The following PCDHA3 variants were observed in gnomAD, a reference collection of about 807,000 sequenced individuals.
The protein encoded by PCDHA3 is protocadherin alpha-3.
PCDHA3 carries 41 observed loss-of-function variants against 62.2 expected under a neutral mutation model. The ratio of observed to expected loss-of-function variants is 0.66; its 90% CI spans 0.51 to 0.86. PCDHA3 has a LOEUF of 0.86. Among genes scored for constraint, PCDHA3 ranks in the 40% least tolerant of loss-of-function variants. The pLI is 0.00. For missense variants in PCDHA3, 1,304 were observed against 1,241.2 expected, an observed-to-expected ratio of 1.05 and a Z score of -0.76; for synonymous variants, 640 against 555.4, an observed-to-expected ratio of 1.15 and a Z score of -2.14.
In PCDHA3 at chr5:140,842,895, A is replaced by G; in HGVS notation, c.2394+39304A>G. On this transcript the variant is annotated intron_variant, in intron 1 of 3. Coordinates refer to ENST00000522353, the MANE Select transcript of PCDHA3 (RefSeq NM_018906.3). ...GTGTACGCGCTGCAGCCGCTGGACC[A>G]CGAGGAGCTAGAGCTGCTGCAGTTC... 8 of 1,594,156 alleles carry G rather than the reference A, an allele frequency of 5.0e-6. 1 individual carries two copies. Among genetic ancestry groups the G allele is most frequent in the Non-Finnish European group, 6.9e-6 (8 of 1,165,410 alleles).
In PCDHA3 at chr5:140,877,646, C is replaced by T. The variant is rs782472866; in HGVS notation, c.2394+74055C>T. 7 of 1,613,560 alleles carry T rather than the reference C, an allele frequency of 4.3e-6. No individual in the cohort carries two copies. The Admixed American group carries it at 6.7e-5, about 15-fold the overall frequency. On this transcript the variant is annotated intron_variant, in intron 1 of 3. Coordinates refer to ENST00000522353, the MANE Select transcript of PCDHA3 (RefSeq NM_018906.3). ...CTGTACACTGCGCTGCGTTGCTCAG[C>T]GCCGCCCACCGTGAGCCGGTGCGCG...
intron 1 of PCDHA3, among the ~76,000 whole-genome samples, chr5:140,903,944 A>G (rs1554191212): frequency 6.6e-6 from 1 of 152,192 alleles, no homozygotes; most frequent in African/African-American, 2.4e-5. Context: ...CCTCTTAAAT[A>G]CTGGAAAATT....
At chr5:140,985,127 C>T (rs986497777) in intron 3 of PCDHA3, among the ~76,000 whole-genome samples, 7 of 152,152 alleles carry the variant, frequency 4.6e-5, no homozygotes, top group Non-Finnish European at 1.0e-4. Flanking sequence ...TTAGTAAAGA[C>T]GGGGTTTCAC....
At chr5:140,851,405 GAAAGAAA>G in intron 1 of PCDHA3, 2 of 966,032 alleles carry the variant, frequency 2.1e-6, no homozygotes, top group Non-Finnish European at 2.5e-6. Context: ...ATTTTAATAA[GAAAGAAA>G]CTTCCCCTAA....
At chr5:140,999,795 T>C (rs1222111677) in intron 3 of PCDHA3, among the ~76,000 whole-genome samples, 3 of 152,224 alleles carry the variant, frequency 2.0e-5, no homozygotes, top group Non-Finnish European at 4.4e-5. Context: ...GGCAGAGTTA[T>C]TTTGGGCACA....
intron 1 of PCDHA3, chr5:140,870,188 C>T: frequency 6.2e-7 from 1 of 1,614,142 alleles, no homozygotes; most frequent in Non-Finnish European, 8.5e-7. Flanking sequence ...CGAGAGGACG[C>T]TCAGCCCAGC....
chr5:140,906,193 AAGTTGACACTC>A (rs1337204998), intron 1 of PCDHA3, among the ~76,000 whole-genome samples: 4 of 152,140 alleles, frequency 2.6e-5, no homozygotes, highest in African/African-American at 9.7e-5. Context: ...CAATCCAATC[AAGTTGACACTC>A]AGTATTAACC....
intron 3 of PCDHA3, 39 bp from the exon 4 acceptor site, chr5:141,009,588 G>A: frequency 6.3e-7 from 1 of 1,598,586 alleles, no homozygotes; most frequent in Non-Finnish European, 8.5e-7. Context: ...AAGAGCATGT[G>A]TTGACCCTGT....
chr5:140,862,863 G>A (rs782640328), intron 1 of PCDHA3: 1 of 507,610 alleles, frequency 2.0e-6, no homozygotes, highest in South Asian at 1.4e-5. Flanking sequence ...GCAATGTGAC[G>A]CTGCCAGGTA....
intron 1 of PCDHA3, among the ~76,000 whole-genome samples, chr5:140,820,072 C>G (rs1044773695): frequency 1.3e-5 from 2 of 151,950 alleles, no homozygotes; most frequent in Non-Finnish European, 2.9e-5. Context: ...CTAACATCAG[C>G]TAATGCTGTT....
chr5:140,833,761 C>CAG (rs1772632017), intron 1 of PCDHA3, among the ~76,000 whole-genome samples: 1 of 151,960 alleles, frequency 6.6e-6, no homozygotes, highest in South Asian at 2.1e-4. Flanking sequence ...AACACACACA[C>CAG]ACACACCGCT....
rs2150133242 is a variant in PCDHA3, at chr5:140,824,221, T to C, written c.2394+20630T>C. 5 of 1,560,374 alleles carry C rather than the reference T, an allele frequency of 3.2e-6. No homozygotes were observed. The Admixed American group carries it at 8.4e-5, about 26-fold the overall frequency. ...ACTTTTTTTGTATTTAAAAATTATG[T>C]CTTAGTACACAAATATTGTGGTACA... On this transcript the variant is annotated intron_variant, in intron 1 of 3. Transcript: ENST00000522353.
chr5:140,862,630 C>T (rs138501125), intron 1 of PCDHA3: 7 of 535,352 alleles, frequency 1.3e-5, no homozygotes, highest in Non-Finnish European at 2.7e-5. Flanking sequence ...GCGGGGCTGC[C>T]ACGACTTCAC....
At chr5:140,905,292 G>T (rs1394409672) in intron 1 of PCDHA3, among the ~76,000 whole-genome samples, 1 of 152,114 alleles carries the variant, frequency 6.6e-6, no homozygotes, top group African/African-American at 2.4e-5. Flanking sequence ...CTTGAATAAG[G>T]TGTCCTTTCC....
chr5:140,951,545 G>C (rs1019007635), intron 1 of PCDHA3, among the ~76,000 whole-genome samples: 2 of 151,950 alleles, frequency 1.3e-5, no homozygotes, highest in Admixed American at 6.6e-5. Context: ...GCAAGGGACG[G>C]GGGGAAGTGC....
chr5:140,884,589 C>T, intron 1 of PCDHA3: 1 of 1,614,146 alleles, frequency 6.2e-7, no homozygotes, highest in Non-Finnish European at 8.5e-7. Flanking sequence ...GCCTTCAGTC[C>T]CAGCCTTCCT....
At chr5:140,883,719 C>T in intron 1 of PCDHA3, 1 of 1,613,598 alleles carries the variant, frequency 6.2e-7, no homozygotes, top group Non-Finnish European at 8.5e-7. Context: ...GACGCGGACG[C>T]ACAGGAGAAC....
Position 140,822,186 on chromosome 5 carries a change from A to G in PCDHA3, c.2394+18595A>G, listed in dbSNP as rs2150114425. 8.1e-6 allele frequency: 13 copies of G among 1,614,252 alleles called. 1 individual carries two copies. The South Asian group carries it at 1.3e-4, about 16-fold the overall frequency. ...CGCCCAGGTTCTCCAGACAAGAACA[A>G]AGATTATTCATTTTAGAGTCAAGAA... On this transcript the variant is annotated intron_variant, in intron 1 of 3. Transcript: ENST00000522353.
At chr5:140,902,203 C>CTTTTTTTTT (rs148688132) in intron 1 of PCDHA3, among the ~76,000 whole-genome samples, 1 of 124,460 alleles carries the variant, frequency 8.0e-6, no homozygotes. Flanking sequence ...CTCTCTCTTT[C>CTTTTTTTTT]TTTTTTTTTT....
Sources: gnomAD v4.1 joint callset for allele counts (sites outside exome capture counted in the v4.1 genomes callset) on GRCh38, gnomAD v4.1.1 for gene constraint, MANE v1.5 for transcripts, NCBI Gene and HGNC (gene_info 2026-07-23, HGNC 2026-07-21) for gene names.